Variants in SPTSSA observed in about 807,000 individuals in gnomAD.
SPTSSA encodes the protein serine palmitoyltransferase small subunit A.
Under a neutral mutation model 9.1 loss-of-function variants are expected in SPTSSA, and 8 were observed. The ratio of observed to expected loss-of-function variants is 0.88; its 90% confidence interval spans 0.51 to 1.58. SPTSSA has a LOEUF of 1.58. SPTSSA is among the 40% of genes most tolerant of loss of function. SPTSSA has a pLI of 0.00. For synonymous variants in SPTSSA, 42 were observed against 37.7 expected (o/e 1.11, Z -0.41); for missense variants, 100 against 93.8 (o/e 1.07, Z -0.27).
intron 1 of SPTSSA, among the ~76,000 whole-genome samples, chr14:34,444,572 T>C (rs1204098554): frequency 6.6e-6 from 1 of 151,976 alleles, no homozygotes; most frequent in South Asian, 2.1e-4. Flanking sequence ...GCCAACATAG[T>C]GAAACCCTGT....
chr14:34,443,531 G>T (rs1883366360), intron 1 of SPTSSA, among the ~76,000 whole-genome samples: 1 of 61,954 alleles, frequency 1.6e-5, no homozygotes, highest in Non-Finnish European at 3.1e-5. Flanking sequence ...GTGTGTGTGT[G>T]TGTGTGTGTG....
chr14:34,437,630 T>C (rs1051024756), intron 1 of SPTSSA, among the ~76,000 whole-genome samples: 3 of 152,162 alleles, frequency 2.0e-5, no homozygotes, highest in Admixed American at 2.0e-4. Flanking sequence ...GCTGATGGAA[T>C]CTTGCAATCA....
chr14:34,435,445 C>A (rs980756585), intron 1 of SPTSSA, 141 bp from the exon 2 acceptor site: 3 of 551,648 alleles, frequency 5.4e-6, no homozygotes, highest in Admixed American at 3.3e-5. Flanking sequence ...AAAAAAACAA[C>A]AAGAATGATA....
At chr14:34,443,872 T>TTC (rs937967180) in intron 1 of SPTSSA, among the ~76,000 whole-genome samples, 2 of 152,198 alleles carry the variant, frequency 1.3e-5, no homozygotes, top group East Asian at 1.9e-4. Flanking sequence ...AGTCATATTT[T>TTC]TCTCTCTCTC....
At chr14:34,442,227 CCCTGAT>C (rs1236600377) in intron 1 of SPTSSA, among the ~76,000 whole-genome samples, 6 of 152,178 alleles carry the variant, frequency 3.9e-5, no homozygotes, top group African/African-American at 1.4e-4. Context: ...CGCACACGGT[CCCTGAT>C]CCCTACATGT....
chr14:34,451,540 G>A (rs1408068088), intron 1 of SPTSSA, among the ~76,000 whole-genome samples: 4 of 151,848 alleles, frequency 2.6e-5, no homozygotes, highest in East Asian at 1.9e-4. Flanking sequence ...TGGCTAACAC[G>A]GTGAAACCCC....
intron 1 of SPTSSA, among the ~76,000 whole-genome samples, chr14:34,438,412 G>C (rs1883272347): frequency 6.6e-6 from 1 of 152,034 alleles, no homozygotes; most frequent in African/African-American, 2.4e-5. Flanking sequence ...AAAAGTTTTG[G>C]ATTTTCGAGC....
intron 1 of SPTSSA, among the ~76,000 whole-genome samples, chr14:34,446,698 A>G (rs1000798163): frequency 5.9e-5 from 9 of 152,244 alleles, no homozygotes; most frequent in African/African-American, 1.9e-4. Flanking sequence ...TCCATGGTTT[A>G]AAGTGAAAGA....
chr14:34,447,630 G>A (rs1883444495), intron 1 of SPTSSA, among the ~76,000 whole-genome samples: 1 of 152,068 alleles, frequency 6.6e-6, no homozygotes, highest in Non-Finnish European at 1.5e-5. Context: ...AACAAAAAGG[G>A]GGAATTTTTT....
chr14:34,442,354 C>T (rs1346596407), intron 1 of SPTSSA, among the ~76,000 whole-genome samples: 1 of 152,226 alleles, frequency 6.6e-6, no homozygotes, highest in Admixed American at 6.5e-5. Context: ...GCACACCCAG[C>T]ATCCAGTTCT....
chr14:34,453,363 C>G (rs1300599373), intron 1 of SPTSSA, among the ~76,000 whole-genome samples: 1 of 152,208 alleles, frequency 6.6e-6, no homozygotes, highest in Admixed American at 6.5e-5. Context: ...ACCCAGTCTC[C>G]CTCTTCAGAG....
At chr14:34,438,079 A>C (rs1415949298) in intron 1 of SPTSSA, among the ~76,000 whole-genome samples, 1 of 152,120 alleles carries the variant, frequency 6.6e-6, no homozygotes, top group Non-Finnish European at 1.5e-5. Context: ...CTGAGATTAC[A>C]GGTGTGAGCC....
intron 1 of SPTSSA, among the ~76,000 whole-genome samples, chr14:34,451,605 C>T (rs1883525143): frequency 6.6e-6 from 1 of 151,820 alleles, no homozygotes; most frequent in South Asian, 2.1e-4. Context: ...CGCCTGTAGT[C>T]CCAGCTACTC....
intron 1 of SPTSSA, among the ~76,000 whole-genome samples, chr14:34,461,215 T>C (rs1001556445): frequency 3.3e-5 from 5 of 152,208 alleles, no homozygotes; most frequent in South Asian, 4.1e-4. Context: ...ATTATCAGTA[T>C]TTAATCTGCA....
rs926636184 is a variant in SPTSSA at position 34,435,449 on chromosome 14, A to T, written c.113-145T>A. ...AAGCACTGATAAAAAAAACAACAAG[A>T]ATGATAATACTAGCCACTAACAACC... On this transcript the variant is annotated intron_variant, in intron 1 of 1. Coordinates refer to ENST00000298130, the MANE Select transcript of SPTSSA (RefSeq NM_138288.4). The T allele has an allele frequency of 6.6e-5, 36 of 544,828 alleles. No homozygotes were observed. The Admixed American group carries it at 1.1e-3, about 17-fold the overall frequency. The allele number at this position is 544,828 out of a possible 1,614,324, so 33.7% of individuals were successfully genotyped here.
In SPTSSA at chr14:34,434,768, T is replaced by C. The variant is rs1415960617; in HGVS notation, c.*433A>G. 6.5e-6 allele frequency: 1 copy of C among 152,908 alleles called. No individual in the cohort carries two copies. Among genetic ancestry groups the C allele is most frequent in the African/African-American group, 2.4e-5 (1 of 41,438 alleles). The allele number at this position is 152,908 out of a possible 1,614,324, so 9.5% of individuals were successfully genotyped here. A position where few individuals can be genotyped will look rare whatever the true frequency, so the allele number is the denominator to read the frequency against. Reference sequence around the variant, plus strand: ...ATCTTATATTGTTCTTTACAAAACTTTGGTCAAGAGTAGAAATATATCCAG... The same window carrying C: ...ATCTTATATTGTTCTTTACAAAACTCTGGTCAAGAGTAGAAATATATCCAG... On this transcript the variant is annotated 3_prime_UTR_variant, in exon 2 of 2. Coordinates refer to ENST00000298130, the MANE Select transcript of SPTSSA (RefSeq NM_138288.4).
chr14:34,443,550 T>TG (rs1555314418), intron 1 of SPTSSA, among the ~76,000 whole-genome samples: 14 of 91,000 alleles, frequency 1.5e-4, no homozygotes, highest in Admixed American at 2.4e-4. Flanking sequence ...TGTGTGTGTG[T>TG]TTTGAGATGG....
chr14:34,447,420 T>A (rs2138825903), intron 1 of SPTSSA, among the ~76,000 whole-genome samples: 1 of 151,962 alleles, frequency 6.6e-6, no homozygotes, highest in East Asian at 1.9e-4. Context: ...CTCTCAAAGG[T>A]TTTAAATGCT....
chr14:34,436,874 T>A (rs1434322355), intron 1 of SPTSSA, among the ~76,000 whole-genome samples: 2 of 152,062 alleles, frequency 1.3e-5, no homozygotes, highest in Non-Finnish European at 2.9e-5. Context: ...TACAATTTAC[T>A]TTTTAACCGC....
Sources: allele counts gnomAD v4.1 joint callset (sites outside exome capture counted in the v4.1 genomes callset), GRCh38; gene constraint gnomAD v4.1.1; transcripts MANE v1.5; gene names NCBI Gene and HGNC (gene_info 2026-07-23, HGNC 2026-07-21).